The following NPC2 variants were observed in gnomAD, a reference collection of about 807,000 sequenced individuals.
NPC2 encodes NPC intracellular cholesterol transporter 2, also known as Niemann-Pick disease type C2 protein.
Under a neutral mutation model 17.0 loss-of-function variants are expected in NPC2, and 14 were observed. The ratio of observed to expected loss-of-function variants is 0.82; its 90% confidence interval spans 0.54 to 1.29. The LOEUF is 1.29. Among genes scored for constraint, NPC2 ranks in the 50% most tolerant of loss-of-function variants. The pLI is 0.00. For missense variants in NPC2, 167 were observed against 183.4 expected (o/e 0.91, Z 0.52); for synonymous variants, 75 against 69.3 (o/e 1.08, Z -0.41).
At chr14:74,483,151 G>A in intron 3 of NPC2, 1 of 867,126 alleles carries the variant, frequency 1.2e-6, no homozygotes, top group Non-Finnish European at 1.9e-6. Context: ...TGCAGGCACA[G>A]GGCAATTTAC....
chr14:74,484,951 T>C (rs1319406043), intron 2 of NPC2, among the ~76,000 whole-genome samples: 3 of 152,200 alleles, frequency 2.0e-5, no homozygotes, highest in African/African-American at 4.8e-5. Flanking sequence ...ATATTGTGTG[T>C]CTTAAATGTC....
intron 1 of NPC2, among the ~76,000 whole-genome samples, chr14:74,492,329 C>T (rs1178699518): frequency 6.6e-6 from 1 of 152,160 alleles, no homozygotes; most frequent in Non-Finnish European, 1.5e-5. Flanking sequence ...AGGTGAACCC[C>T]TTGGGCGGTT....
intron 2 of NPC2, 135 bp downstream of exon 2, chr14:74,486,194 T>G (rs2086710804): frequency 1.2e-6 from 1 of 857,494 alleles, no homozygotes; most frequent in Non-Finnish European, 1.9e-6. Context: ...AACCCTAGCT[T>G]TGCATGAGGT....
chr14:74,493,229 C>T lies in NPC2; in HGVS notation c.46G>A (p.Ala16Thr). The T allele has an allele frequency of 2.5e-6, 4 of 1,612,902 alleles. No individual in the cohort carries two copies. Among genetic ancestry groups the T allele is most frequent in the Non-Finnish European group, 3.4e-6 (4 of 1,179,630 alleles). Residue 16 changes from alanine (A) to threonine (T), a missense_variant, in exon 1 of 5, where the codon GCT becomes ACT. By Grantham distance (58) the Ala-to-Thr change is moderately conservative. Transcript: ENST00000555619. This position sits in a 1 kb window ranked among gnomAD's most constrained non-coding sequence, Gnocchi z 4.1. ...ATFLLLALST[A>T]AQAEPVQFKD... is the part of the protein sequence containing the mutation. ...AACTGCACCGGTTCGGCCTGGGCAG[C>T]GGTGCTGAGCGCCAGGAGCAGGAAT... is the stretch of plus-strand genomic sequence containing the variant.
chr14:74,486,869 G>GA, intron 1 of NPC2, among the ~76,000 whole-genome samples: 1 of 152,188 alleles, frequency 6.6e-6, no homozygotes, highest in East Asian at 1.9e-4. Flanking sequence ...TCCTTTGGAT[G>GA]AAAATATTCC....
chr14:74,486,956 ATT>A (rs774411765), intron 1 of NPC2, among the ~76,000 whole-genome samples: 3 of 144,436 alleles, frequency 2.1e-5, no homozygotes, highest in African/African-American at 2.5e-5. Flanking sequence ...GAACAACTAC[ATT>A]TTTTTTTTTT....
chr14:74,483,847 C>T (rs1247919985), intron 3 of NPC2, among the ~76,000 whole-genome samples: 2 of 152,154 alleles, frequency 1.3e-5, no homozygotes, highest in African/African-American at 2.4e-5. Flanking sequence ...TGATTCCTCC[C>T]TATCAAGCAC....
intron 4 of NPC2, 65 bp downstream of exon 4, chr14:74,480,637 T>C: frequency 7.7e-7 from 1 of 1,301,250 alleles, no homozygotes; most frequent in East Asian, 2.3e-5. Context: ...TGATTTAGTT[T>C]CAGTCTGATT....
chr14:74,486,481 T>A, intron 1 of NPC2, 45 bp from the exon 2 acceptor site: 1 of 1,501,714 alleles, frequency 6.7e-7, no homozygotes, highest in Middle Eastern at 1.7e-4. Context: ...GGAGGAGAAA[T>A]AAGCCAGCTA....
At chr14:74,482,556 T>C (rs969225194) in intron 3 of NPC2, among the ~76,000 whole-genome samples, 3 of 152,150 alleles carry the variant, frequency 2.0e-5, no homozygotes, top group Admixed American at 6.5e-5. Flanking sequence ...GCTCTCTTGT[T>C]TTGTTAAGAG....
Position 74,493,091 on chromosome 14 carries a change from G to T in NPC2, c.82+102C>A, listed in dbSNP as rs2086793208. The T allele has an allele frequency of 4.8e-6, 7 of 1,449,128 alleles. No individual in the cohort carries two copies. The highest frequency in any genetic ancestry group is 3.7e-6 in the Non-Finnish European group (4 of 1,066,808). 89.8% of individuals were successfully genotyped at this position (1,449,128 alleles called of 1,614,324 possible). On this transcript the variant is annotated intron_variant, in intron 1 of 4. Coordinates refer to ENST00000555619, the MANE Select transcript of NPC2 (RefSeq NM_006432.5). The surrounding 1 kb of genome is among the most constrained non-coding windows in gnomAD (Gnocchi z 4.1). ...GTAGGGTCCAAGGCTCAGCCTGGCC[G>T]CCCGAGGGATCCGCCCAGCCCAGCC...
intron 2 of NPC2, among the ~76,000 whole-genome samples, chr14:74,484,921 A>G (rs1162352153): frequency 1.3e-5 from 2 of 152,182 alleles, no homozygotes; most frequent in African/African-American, 4.8e-5. Flanking sequence ...TTTGCTATTT[A>G]TATCAGCTTC....
chr14:74,489,705 T>C (rs923654385), intron 1 of NPC2, among the ~76,000 whole-genome samples: 1 of 152,244 alleles, frequency 6.6e-6, no homozygotes, highest in African/African-American at 2.4e-5. Context: ...TGGGAGAGAA[T>C]GCAGGTGAAC....
chr14:74,486,261 T>G, intron 2 of NPC2, 68 bp downstream of exon 2: 1 of 1,346,368 alleles, frequency 7.4e-7, no homozygotes, highest in East Asian at 2.5e-5. Context: ...ATTCCCATGC[T>G]TATTCCAACA....
At chr14:74,483,515 A>G (rs2086676636) in intron 3 of NPC2, 2 of 1,538,242 alleles carry the variant, frequency 1.3e-6, no homozygotes, top group South Asian at 2.4e-5. Flanking sequence ...CTAGGCCCAT[A>G]GTCAGCAGCA....
At chr14:74,491,055 G>C (rs1031846713) in intron 1 of NPC2, among the ~76,000 whole-genome samples, 1 of 152,118 alleles carries the variant, frequency 6.6e-6, no homozygotes, top group Non-Finnish European at 1.5e-5. Context: ...CAGCTTGTGA[G>C]GATGGAATGA....
chr14:74,493,361 A>C, upstream of NPC2: 2 of 1,557,354 alleles, frequency 1.3e-6, no homozygotes, highest in Non-Finnish European at 1.7e-6. The surrounding 1 kb of genome is among the most constrained non-coding windows in gnomAD (Gnocchi z 4.1). Flanking sequence ...CCCGGGGAGG[A>C]GCCCAGTCAG....
At chr14:74,492,239 A>AC (rs1174666377) in intron 1 of NPC2, among the ~76,000 whole-genome samples, 1 of 152,182 alleles carries the variant, frequency 6.6e-6, no homozygotes, top group Non-Finnish European at 1.5e-5. Context: ...GGCCTCCCCC[A>AC]CAGCCGGCTC....
rs1474483698 is a variant in NPC2, at chr14:74,491,883, G to C, written c.82+1310C>G. Among the ~76,000 whole-genome samples, 3 of 152,058 alleles carry C rather than the reference G, an allele frequency of 2.0e-5. No individual in the cohort carries two copies. The East Asian group carries it at 5.8e-4, about 29-fold the overall frequency. On this transcript the variant is annotated intron_variant, in intron 1 of 4. Transcript: ENST00000555619. ...TCCTGAAAAACCCCTTCTTGCCTGG[G>C]GACCGGTCTGCCTTTGTAGGACTAA...
Sources: allele counts gnomAD v4.1 joint callset (sites outside exome capture counted in the v4.1 genomes callset), GRCh38; gene constraint gnomAD v4.1.1; non-coding constraint Gnocchi (gnomAD v3.1); transcripts MANE v1.5; gene names NCBI Gene and HGNC (gene_info 2026-07-23, HGNC 2026-07-21).